SORCS1: variants seen among roughly 807,000 people sequenced by gnomAD.
The protein encoded by SORCS1 is sortilin related VPS10 domain containing receptor 1.
A neutral mutation model predicts 146.1 loss-of-function variants in SORCS1; 60 were observed. That is an observed-to-expected ratio of 0.41 (90% CI 0.33 to 0.51). The LOEUF is 0.51. SORCS1 is among the 20% of genes least tolerant of loss of function. SORCS1 has a pLI of 0.21. For synonymous variants in SORCS1, 637 were observed against 584.0 expected, an observed-to-expected ratio of 1.09 and a Z score of -1.31; for missense variants, 1,352 against 1,487.6, an observed-to-expected ratio of 0.91 and a Z score of 1.50.
chr10:106,744,341 G>A (rs1216343888), intron 5 of SORCS1, among the ~76,000 whole-genome samples: 5 of 152,108 alleles, frequency 3.3e-5, no homozygotes, highest in African/African-American at 1.2e-4. Flanking sequence ...TCCTGACCTC[G>A]TGATCCGCCC....
At chr10:106,606,093 A>G (rs367989865) in intron 23 of SORCS1, among the ~76,000 whole-genome samples, 29 of 152,196 alleles carry the variant, frequency 1.9e-4, no homozygotes, top group African/African-American at 6.5e-4. Context: ...TTTCGTTTCT[A>G]AAAGTGCAAC....
chr10:107,068,869 CAA>C (rs397763642), intron 1 of SORCS1, among the ~76,000 whole-genome samples: 1,401 of 122,642 alleles, frequency 0.011, 28 homozygotes, highest in African/African-American at 0.039. Context: ...GACTCCGTCT[CAA>C]AAAAAAAAAA....
chr10:107,145,066 C>T (rs1360529112), intron 1 of SORCS1, among the ~76,000 whole-genome samples: 9 of 152,160 alleles, frequency 5.9e-5, no homozygotes, highest in Non-Finnish European at 1.3e-4. Context: ...CCAGTGGATG[C>T]AGGGGGAGGT....
intron 17 of SORCS1, among the ~76,000 whole-genome samples, chr10:106,663,419 G>A (rs1178590146): frequency 1.3e-5 from 2 of 152,166 alleles, no homozygotes; most frequent in East Asian, 3.9e-4. Flanking sequence ...GTTGTGTGGG[G>A]AAAGGGGGCC....
At chr10:107,152,031 T>C (rs890898950) in intron 1 of SORCS1, among the ~76,000 whole-genome samples, 2 of 152,188 alleles carry the variant, frequency 1.3e-5, no homozygotes, top group Non-Finnish European at 2.9e-5. Context: ...CAGAACCCAC[T>C]GCTCTGTGCA....
intron 19 of SORCS1, among the ~76,000 whole-genome samples, chr10:106,625,761 C>CT (rs1001307265): frequency 7.2e-5 from 11 of 152,000 alleles, no homozygotes; most frequent in East Asian, 5.8e-4. Context: ...TCCACCTTAT[C>CT]TTTTTTTTGT....
chr10:107,074,184 T>C (rs10884412), intron 1 of SORCS1, among the ~76,000 whole-genome samples: 35,545 of 152,110 alleles, frequency 0.23, 4,512 homozygotes, highest in Middle Eastern at 0.43. Context: ...TCATCTGTGC[T>C]CCACCTATTC....
chr10:107,039,076 T>A (rs1389080001), intron 1 of SORCS1, among the ~76,000 whole-genome samples: 2 of 152,136 alleles, frequency 1.3e-5, no homozygotes, highest in Non-Finnish European at 1.5e-5. Context: ...ACGCCTGTAA[T>A]CCCAGCACTT....
chr10:107,165,577 G>C (rs571148205), upstream of SORCS1, among the ~76,000 whole-genome samples: 20 of 152,268 alleles, frequency 1.3e-4, no homozygotes, highest in Non-Finnish European at 2.6e-4. This position sits in a 1 kb window ranked among gnomAD's most constrained non-coding sequence, Gnocchi z 4.0. Flanking sequence ...TCCTCAGTAC[G>C]TGGCACAGTA....
At chr10:106,863,744 C>T (rs1950115782) in intron 2 of SORCS1, among the ~76,000 whole-genome samples, 1 of 151,612 alleles carries the variant, frequency 6.6e-6, no homozygotes, top group South Asian at 2.1e-4. Context: ...CACCATCACA[C>T]TAGACACACT....
At chr10:106,980,612 C>A (rs189678000) in intron 1 of SORCS1, among the ~76,000 whole-genome samples, 2 of 152,230 alleles carry the variant, frequency 1.3e-5, no homozygotes, top group African/African-American at 4.8e-5. Flanking sequence ...AATTTTTCTG[C>A]CACTCACCAT....
At chr10:106,853,544 G>A (rs930266132) in intron 2 of SORCS1, among the ~76,000 whole-genome samples, 4 of 151,472 alleles carry the variant, frequency 2.6e-5, no homozygotes, top group African/African-American at 4.8e-5. Context: ...TTTCTGAGGT[G>A]GGGGTTTAAA....
At chr10:107,153,245 C>T (rs36074034) in intron 1 of SORCS1, among the ~76,000 whole-genome samples, 14,889 of 152,022 alleles carry the variant, frequency 0.098, 793 homozygotes, top group African/African-American at 0.15. Flanking sequence ...AGTAAACATC[C>T]TTACTGTGGC....
At chr10:107,002,229 G>T (rs1216620218) in intron 1 of SORCS1, among the ~76,000 whole-genome samples, 2 of 152,184 alleles carry the variant, frequency 1.3e-5, no homozygotes, top group African/African-American at 4.8e-5. Flanking sequence ...ATAAAGCCAT[G>T]ATTCAATTTA....
chr10:106,748,611 AT>A (rs35988008), intron 5 of SORCS1, among the ~76,000 whole-genome samples: 32,137 of 150,976 alleles, frequency 0.21, 4,160 homozygotes, highest in East Asian at 0.48. Context: ...AATTGGCAGC[AT>A]TTTTTTTTGC....
chr10:107,019,356 A>G (rs12256607), intron 1 of SORCS1, among the ~76,000 whole-genome samples: 11,113 of 152,186 alleles, frequency 0.073, 1,326 homozygotes, highest in African/African-American at 0.25. Flanking sequence ...CTGTTTTTCA[A>G]TGGACCATGT....
At chr10:106,641,825 T>A (rs1052055054) in intron 18 of SORCS1, among the ~76,000 whole-genome samples, 4 of 152,064 alleles carry the variant, frequency 2.6e-5, no homozygotes, top group African/African-American at 9.7e-5. Context: ...TTATTATTAA[T>A]CTTTTTTATT....
intron 3 of SORCS1, among the ~76,000 whole-genome samples, chr10:106,823,319 A>G (rs528472649): frequency 6.6e-6 from 1 of 152,282 alleles, no homozygotes; most frequent in South Asian, 2.1e-4. Flanking sequence ...AATATTAATC[A>G]TGTTCTTCTT....
At chr10:107,065,477 CCTCT>C (rs1961720634) in intron 1 of SORCS1, among the ~76,000 whole-genome samples, 25 of 61,578 alleles carry the variant, frequency 4.1e-4, no homozygotes, top group African/African-American at 1.8e-3. Flanking sequence ...CCTCTCCTCT[CCTCT>C]CCTCTCCTCT....
Sources: gnomAD v4.1 joint callset for allele counts (sites outside exome capture counted in the v4.1 genomes callset) on GRCh38, gnomAD v4.1.1 for gene constraint, Gnocchi (gnomAD v3.1) non-coding constraint, MANE v1.5 for transcripts, NCBI Gene and HGNC (gene_info 2026-07-23, HGNC 2026-07-21) for gene names.